Variants in MBD1 observed in about 807,000 individuals in gnomAD.
MBD1 encodes the protein methyl-CpG-binding domain protein 1.
Under a neutral mutation model 82.6 loss-of-function variants are expected in MBD1, and 25 were observed. The ratio of observed to expected loss-of-function variants is 0.30; its 90% CI spans 0.22 to 0.42. The LOEUF (loss-of-function observed/expected upper bound fraction) is 0.42, where lower values mean the gene tolerates loss of function less well. Ranked by LOEUF, MBD1 falls within the 10% of genes least tolerant of loss-of-function variation. The pLI, the probability that MBD1 is intolerant of heterozygous loss-of-function variation, is 1.00. For missense variants in MBD1, 627 were observed against 819.6 expected, an observed-to-expected ratio of 0.76 and a Z score of 2.87; for synonymous variants, 301 against 303.7, an observed-to-expected ratio of 0.99 and a Z score of 0.09.
At chr18:50,281,068 T>C in intron 1 of MBD1, 8 of 1,241,448 alleles carry the variant, frequency 6.4e-6, no homozygotes, top group Non-Finnish European at 9.0e-6. Context: ...TGAACCCCCA[T>C]TTCTCTCTCA....
intron 14 of MBD1, 26 bp downstream of exon 14, chr18:50,272,798 C>T (rs563674664): frequency 6.2e-7 from 1 of 1,614,066 alleles, no homozygotes; most frequent in Non-Finnish European, 8.5e-7. Flanking sequence ...AGGGTCAGGG[C>T]AGGGTGGGGC....
downstream of MBD1, among the ~76,000 whole-genome samples, chr18:50,268,098 G>A (rs955724918): frequency 3.9e-5 from 6 of 152,240 alleles, no homozygotes. Context: ...GTTTCCTGGA[G>A]TGTCCAGAGG....
In MBD1 at chr18:50,281,358, C is replaced by A; in HGVS notation, c.-26+5G>T. 1.1e-6 allele frequency: 1 copy of A among 876,462 alleles called. No individual in the cohort carries two copies. The highest frequency in any genetic ancestry group is 1.8e-6 in the Non-Finnish European group (1 of 553,996). The allele number at this position is 876,462 out of a possible 1,614,324, so 54.3% of individuals were successfully genotyped here. A position where few individuals can be genotyped will look rare whatever the true frequency, so the allele number is the denominator to read the frequency against. On this transcript the variant is annotated splice_donor_5th_base_variant and intron_variant, in intron 1 of 16. Coordinates refer to ENST00000269468, the MANE Select transcript of MBD1 (RefSeq NM_015846.4). ...TCTCCACGTCCAGCCCCAAGGCTGT[C>A]TCACCAGTTTGGCACCAGGCCGGTA...
downstream of MBD1, among the ~76,000 whole-genome samples, chr18:50,268,619 C>T (rs1023187558): frequency 6.6e-6 from 1 of 152,240 alleles, no homozygotes; most frequent in South Asian, 2.1e-4. Context: ...CCCCGGCGCC[C>T]CCTGGCGGAC....
downstream of MBD1, among the ~76,000 whole-genome samples, chr18:50,268,142 CG>C (rs2034149410): frequency 6.6e-6 from 1 of 152,222 alleles, no homozygotes; most frequent in Non-Finnish European, 1.5e-5. Context: ...CAACGGGCTC[CG>C]GGCCCGCCCG....
At chr18:50,275,794 G>C (rs755708538) in intron 7 of MBD1, 41 bp downstream of exon 7, 1 of 1,614,178 alleles carries the variant, frequency 6.2e-7, no homozygotes, top group Non-Finnish European at 8.5e-7. Flanking sequence ...GGGGCCAGGG[G>C]CCGAGGTGAG....
chr18:50,268,078 G>T (rs1331139255), downstream of MBD1, among the ~76,000 whole-genome samples: 1 of 152,230 alleles, frequency 6.6e-6, no homozygotes, highest in Non-Finnish European at 1.5e-5. Flanking sequence ...CAAATTAGGT[G>T]GTCGTCTCGG....
At chr18:50,274,868 T>A in intron 10 of MBD1, 109 bp downstream of exon 10, 2 of 1,119,986 alleles carry the variant, frequency 1.8e-6, no homozygotes, top group Non-Finnish European at 2.7e-6. Flanking sequence ...CTAGGACCCA[T>A]TATTGTGCCT....
In MBD1 at chr18:50,276,588, AC is replaced by A. The variant is rs1227567051; in HGVS notation, c.475+73del. On this transcript the variant is annotated intron_variant, in intron 5 of 16. Transcript: ENST00000269468. ...CCTCTGTCCTGACATCCACATTCAA[AC>A]CCCAGCCTAGCATGACACTGGACCT... The A allele has an allele frequency of 1.9e-6, 3 of 1,552,246 alleles. No homozygotes were observed. The African/African-American group carries it at 4.1e-5, about 21-fold the overall frequency.
chr18:50,272,453 T>A, intron 15 of MBD1: 1 of 598,438 alleles, frequency 1.7e-6, no homozygotes, highest in Non-Finnish European at 3.0e-6. Context: ...GTCTTTCCCC[T>A]ACCCCCAAAG....
Position 50,276,292 on chromosome 18 carries a change from C to T in MBD1, c.516+86G>A, listed in dbSNP as rs113665676. ...ATAAAATGACTCTTCATCCTGTGGA[C>T]CCATCATCATCCCTTCAGACTCTAC... On this transcript the variant is annotated intron_variant, in intron 6 of 16. Coordinates refer to ENST00000269468, the MANE Select transcript of MBD1 (RefSeq NM_015846.4). 8.1e-6 allele frequency: 11 copies of T among 1,358,838 alleles called. No individual in the cohort carries two copies. The East Asian group carries it at 2.5e-4, about 31-fold the overall frequency. The allele number at this position is 1,358,838 out of a possible 1,614,324, so 84.2% of individuals were successfully genotyped here. A position where few individuals can be genotyped will look rare whatever the true frequency, so the allele number is the denominator to read the frequency against.
chr18:50,268,750 C>T (rs1666376179), downstream of MBD1: 1 of 253,066 alleles, frequency 4.0e-6, no homozygotes, highest in Non-Finnish European at 6.2e-6. Context: ...AAGAAGTGAC[C>T]TTGATTTGAT....
intron 1 of MBD1, among the ~76,000 whole-genome samples, chr18:50,280,485 T>C (rs1209812373): frequency 6.6e-6 from 1 of 151,786 alleles, no homozygotes; most frequent in Non-Finnish European, 1.5e-5. Flanking sequence ...CATTCCCCCC[T>C]TCCTTGACCC....
chr18:50,278,570 A>T lies in MBD1; in HGVS notation c.110+1313T>A, dbSNP rs150141329. ...ATAAATTATAACTAAATATAAACAA[A>T]AAGTAATTTGTAATTTGATATTTAC... On this transcript the variant is annotated intron_variant, in intron 2 of 16. Coordinates refer to ENST00000269468, the MANE Select transcript of MBD1 (RefSeq NM_015846.4). Among the ~76,000 whole-genome samples, 413 of 152,376 alleles carry T rather than the reference A, an allele frequency of 2.7e-3. 2 individuals carry two copies. The highest frequency in any genetic ancestry group is 9.5e-3 in the African/African-American group (396 of 41,588).
In MBD1 at chr18:50,269,803, G is replaced by C; in HGVS notation, c.*48C>G. The C allele has an allele frequency of 1.3e-6, 1 of 788,612 alleles. No homozygotes were observed. The highest frequency in any genetic ancestry group is 2.4e-6 in the Non-Finnish European group (1 of 425,090). 48.9% of individuals were successfully genotyped at this position (788,612 alleles called of 1,614,324 possible). A position where few individuals can be genotyped will look rare whatever the true frequency, so the allele number is the denominator to read the frequency against. On this transcript the variant is annotated 3_prime_UTR_variant, in exon 17 of 17. Transcript: ENST00000269468. ...CTTTACATCCATCTTCCCTTCCCGA[G>C]TGCCTGCCCTGCAGACTTCAAGCTC... is the stretch of plus-strand genomic sequence containing the variant.
rs1414852111 is a variant in MBD1 at position 50,274,292 on chromosome 18, C to T, written c.1040G>A (p.Arg347Gln). 7 of 1,613,890 alleles carry T rather than the reference C, an allele frequency of 4.3e-6. No individual in the cohort carries two copies. Among genetic ancestry groups the T allele is most frequent in the African/African-American group, 2.7e-5 (2 of 74,944 alleles). Residue 347 changes from arginine to glutamine, a missense_variant, in exon 11 of 17, where the codon CGG becomes CAG. Arg to Gln is a conservative substitution (Grantham distance 43). Around this residue, in one of 6 missense-constraint regions of MBD1, gnomAD observed 228 missense variants for 318.1 expected, o/e 0.72. Transcript: ENST00000269468. Reference sequence around the variant, plus strand: ...GAAGTCGCAGCGGCCACAGTCCATCCGCCGTAGGCAGGCTGCACAGGCCCC... The same window carrying T: ...GAAGTCGCAGCGGCCACAGTCCATCTGCCGTAGGCAGGCTGCACAGGCCCC... The part of the protein sequence containing the change: ...KCGACAACLR[R>Q]MDCGRCDFCC...
chr18:50,275,222 TCCCTTGCGGCGGGCATGTTTA>T lies in MBD1; in HGVS notation c.795_815del (p.Lys266_Gly272del), dbSNP rs1451418069. On this transcript the variant is annotated inframe_deletion and splice_region_variant, in exon 9 of 17. Transcript: ENST00000269468. ...TGGCAGCCATCTTGGAGTCACAGCC[TCCCTTGCGGCGGGCATGTTTA>T]CCCTGGGAAAGATCAGAAAGGGTGG... is the stretch of plus-strand genomic sequence containing the variant. 7 of 1,614,126 alleles carry T rather than the reference TCCCTTGCGGCGGGCATGTTTA, an allele frequency of 4.3e-6. No homozygotes were observed. The highest frequency in any genetic ancestry group is 5.9e-6 in the Non-Finnish European group (7 of 1,180,016).
chr18:50,279,581 C>T (rs2039409969), intron 2 of MBD1, among the ~76,000 whole-genome samples: 1 of 152,122 alleles, frequency 6.6e-6, no homozygotes, highest in Non-Finnish European at 1.5e-5. Flanking sequence ...AAAAGGACAC[C>T]TGTTTACAGT....
At chr18:50,279,771 T>C in intron 2 of MBD1, 112 bp downstream of exon 2, 1 of 1,411,524 alleles carries the variant, frequency 7.1e-7, no homozygotes, top group Non-Finnish European at 9.8e-7. Flanking sequence ...CTAATAAGGA[T>C]TAACTGTATG....
Sources: allele counts gnomAD v4.1 joint callset (sites outside exome capture counted in the v4.1 genomes callset), GRCh38; gene constraint gnomAD v4.1.1; regional missense constraint gnomAD v4.1.1; transcripts MANE v1.5; gene names NCBI Gene and HGNC (gene_info 2026-07-23, HGNC 2026-07-21).